The following PREX1 variants were observed in gnomAD, a reference collection of about 807,000 sequenced individuals.
PREX1 encodes the protein phosphatidylinositol 3,4,5-trisphosphate-dependent Rac exchanger 1 protein.
PREX1 carries 41 observed loss-of-function variants against 198.3 expected under a neutral mutation model. The ratio of observed to expected loss-of-function variants is 0.21; its 90% CI spans 0.16 to 0.27. The LOEUF is 0.27. Among genes scored for constraint, PREX1 ranks in the 10% least tolerant of loss-of-function variants. The pLI is 1.00. For synonymous variants in PREX1, 843 were observed against 887.2 expected (o/e 0.95, Z 0.89); for missense variants, 1,620 against 2,200.7 (o/e 0.74, Z 5.28).
At chr20:48,664,876 TCCAGACGGCCTGAATTCTAATCCCGGC>T (rs1419949599) in intron 15 of PREX1, among the ~76,000 whole-genome samples, 2 of 93,194 alleles carry the variant, frequency 2.1e-5, no homozygotes, top group Admixed American at 1.3e-4. Context: ...TAATCCCGGC[TCCAGACGGCCTGAATTCTAATCCCGGC>T]CCAGACGGCC....
At chr20:48,696,634 T>C (rs144248184) in intron 7 of PREX1, among the ~76,000 whole-genome samples, 19 of 97,930 alleles carry the variant, frequency 1.9e-4, no homozygotes, top group Non-Finnish European at 2.9e-4. Flanking sequence ...CATACATACA[T>C]ACATACACAC....
intron 1 of PREX1, among the ~76,000 whole-genome samples, chr20:48,805,485 G>C (rs962322341): frequency 6.6e-6 from 1 of 152,240 alleles, no homozygotes; most frequent in African/African-American, 2.4e-5. Flanking sequence ...GGCTGCCAAA[G>C]ACCTGACACA....
the PREX1 span, among the ~76,000 whole-genome samples, chr20:48,848,743 T>A: frequency 6.6e-6 from 1 of 152,094 alleles, no homozygotes; most frequent in Admixed American, 6.5e-5. Flanking sequence ...TATATAACAT[T>A]TTTAGGGGGG....
At chr20:48,777,156 C>A (rs1355461394) in intron 1 of PREX1, among the ~76,000 whole-genome samples, 1 of 152,098 alleles carries the variant, frequency 6.6e-6, no homozygotes, top group Non-Finnish European at 1.5e-5. Flanking sequence ...CAAAGGCACA[C>A]TGGGAAGGGG....
At chr20:48,725,098 C>T (rs910700371) in intron 5 of PREX1, among the ~76,000 whole-genome samples, 2 of 152,212 alleles carry the variant, frequency 1.3e-5, no homozygotes, top group African/African-American at 2.4e-5. Flanking sequence ...AGTTCAGAGG[C>T]TCCAGCATCA....
chr20:48,738,322 CCT>C (rs375344090), intron 3 of PREX1, among the ~76,000 whole-genome samples: 26 of 152,316 alleles, frequency 1.7e-4, no homozygotes, highest in African/African-American at 6.0e-4. Context: ...TTCCTCATCC[CCT>C]GAGCCCCCTT....
Position 48,627,604 on chromosome 20 carries a change from C to T in PREX1, c.4881G>A (p.Val1627=). 6.2e-7 allele frequency: 1 copy of T among 1,613,674 alleles called. No homozygotes were observed. Among genetic ancestry groups the T allele is most frequent in the Non-Finnish European group, 8.5e-7 (1 of 1,179,904 alleles). Reference sequence around the variant, plus strand: ...CTCGCAGGTTTTTGGCCAGAATCTCCACCCTTGGGCCCTGGAAGAAGGAAC... The same window carrying T: ...CTCGCAGGTTTTTGGCCAGAATCTCTACCCTTGGGCCCTGGAAGAAGGAAC... ...TDIMRKQGPR[V]EILAKNLRVK... is the part of the protein sequence containing the mutation. The change falls in exon 39 of 40, where the codon GTG becomes GTA. Residue 1627 remains valine, a synonymous_variant. Coordinates refer to ENST00000371941, the MANE Select transcript of PREX1 (RefSeq NM_020820.4).
chr20:48,759,705 G>A (rs1417728286), intron 1 of PREX1, among the ~76,000 whole-genome samples: 2 of 152,068 alleles, frequency 1.3e-5, no homozygotes, highest in Non-Finnish European at 2.9e-5. Flanking sequence ...TATAACGGGG[G>A]ATAAAATGAG....
chr20:48,715,629 G>T (rs151305991), intron 5 of PREX1, among the ~76,000 whole-genome samples: 59 of 152,218 alleles, frequency 3.9e-4, no homozygotes, highest in African/African-American at 1.4e-3. Flanking sequence ...GATCCAATGG[G>T]GTGATGAATG....
intron 14 of PREX1, among the ~76,000 whole-genome samples, chr20:48,667,736 C>G (rs948829772): frequency 2.6e-5 from 4 of 152,214 alleles, no homozygotes; most frequent in Non-Finnish European, 5.9e-5. Flanking sequence ...CAGGCACGGC[C>G]CGTGTGCTGG....
chr20:48,867,080 C>A, the PREX1 span, among the ~76,000 whole-genome samples: 8 of 152,282 alleles, frequency 5.3e-5, no homozygotes, highest in South Asian at 4.1e-4. Flanking sequence ...GAAAAGGGAA[C>A]CTCCCACTGC....
chr20:48,683,739 T>C (rs2089767446), intron 10 of PREX1, among the ~76,000 whole-genome samples: 1 of 152,210 alleles, frequency 6.6e-6, no homozygotes, highest in Non-Finnish European at 1.5e-5. Context: ...GCATTTCCTG[T>C]GAAATCTCCC....
intron 35 of PREX1, among the ~76,000 whole-genome samples, chr20:48,631,887 G>A (rs978935919): frequency 2.0e-5 from 3 of 152,008 alleles, no homozygotes; most frequent in African/African-American, 7.2e-5. Flanking sequence ...CCTGGGAGCC[G>A]CACCCCTCAC....
At chr20:48,836,858 G>A in the PREX1 span, among the ~76,000 whole-genome samples, 4 of 131,722 alleles carry the variant, frequency 3.0e-5, no homozygotes, top group Admixed American at 9.2e-5. Context: ...GAGCGAGATC[G>A]CACCACTGCA....
At chr20:48,847,786 C>T in the PREX1 span, among the ~76,000 whole-genome samples, 5 of 152,308 alleles carry the variant, frequency 3.3e-5, no homozygotes, top group East Asian at 3.9e-4. Context: ...AAATTTCCCC[C>T]GGGTCCCCTT....
At chr20:48,804,552 A>G (rs1478788947) in intron 1 of PREX1, among the ~76,000 whole-genome samples, 1 of 152,234 alleles carries the variant, frequency 6.6e-6, no homozygotes, top group Non-Finnish European at 1.5e-5. Flanking sequence ...ACCACAGACT[A>G]CAGGGCGTTG....
chr20:48,784,747 G>T (rs1290793877), intron 1 of PREX1, among the ~76,000 whole-genome samples: 2 of 152,122 alleles, frequency 1.3e-5, no homozygotes, highest in Non-Finnish European at 2.9e-5. Flanking sequence ...AATGTCCTGG[G>T]TCCTCCTGAC....
At chr20:48,819,207 C>G (rs1339753099) in intron 1 of PREX1, among the ~76,000 whole-genome samples, 1 of 152,194 alleles carries the variant, frequency 6.6e-6, no homozygotes, top group Non-Finnish European at 1.5e-5. Context: ...AAACTGCTCA[C>G]CATGCATCTG....
At chr20:48,700,914 T>A (rs1461905135) in intron 6 of PREX1, 28 bp from the exon 7 acceptor site, 1 of 1,613,734 alleles carries the variant, frequency 6.2e-7, no homozygotes, top group Admixed American at 1.7e-5. Context: ...ACACAGTGAA[T>A]GAGCCAACCC....
Sources: gnomAD v4.1 joint callset for allele counts (sites outside exome capture counted in the v4.1 genomes callset) on GRCh38, gnomAD v4.1.1 for gene constraint, MANE v1.5 for transcripts, NCBI Gene and HGNC (gene_info 2026-07-23, HGNC 2026-07-21) for gene names.